Variants in ELF2 observed in about 807,000 individuals in gnomAD.
ELF2 encodes the protein ETS-related transcription factor Elf-2.
A neutral mutation model predicts 54.8 loss-of-function variants in ELF2; 11 were observed. The ratio of observed to expected loss-of-function variants is 0.20; its 90% confidence interval spans 0.13 to 0.33. The LOEUF (loss-of-function observed/expected upper bound fraction) is 0.33. Among genes scored for constraint, ELF2 ranks in the 10% least tolerant of loss-of-function variants. ELF2 has a pLI of 1.00. For synonymous variants in ELF2, 203 were observed against 245.1 expected, an observed-to-expected ratio of 0.83 and a Z score of 1.61; for missense variants, 513 against 703.0, an observed-to-expected ratio of 0.73 and a Z score of 3.06.
chr4:139,167,021 A>G (rs964880426), intron 1 of ELF2, among the ~76,000 whole-genome samples: 1 of 152,226 alleles, frequency 6.6e-6, no homozygotes, highest in African/African-American at 2.4e-5. Context: ...ATTTGGTAAG[A>G]TAATACTTAT....
Position 139,091,907 on chromosome 4 carries a change from T to G in ELF2, c.239-18340A>C, listed in dbSNP as rs146169322. ...ATAGAATATACATATTATTTATATA[T>G]AGAGAATATATATACACACATATAT... On this transcript the variant is annotated intron_variant, in intron 4 of 9. Coordinates refer to ENST00000686138, the MANE Select transcript of ELF2 (RefSeq NM_001331036.3). Among the ~76,000 whole-genome samples, 102 of 149,848 alleles carry G rather than the reference T, an allele frequency of 6.8e-4. No individual in the cohort carries two copies. The East Asian group carries it at 9.4e-3, about 14-fold the overall frequency.
At chr4:139,068,733 G>A (rs1212852713) in intron 6 of ELF2, among the ~76,000 whole-genome samples, 1 of 152,194 alleles carries the variant, frequency 6.6e-6, no homozygotes, top group Non-Finnish European at 1.5e-5. Flanking sequence ...CACGAAAGAG[G>A]ATTAAGCCTG....
At chr4:139,138,415 C>CAAAA (rs576340729) in intron 2 of ELF2, among the ~76,000 whole-genome samples, 13 of 125,556 alleles carry the variant, frequency 1.0e-4, no homozygotes, top group African/African-American at 3.5e-4. Flanking sequence ...GATTCCACCT[C>CAAAA]AAAAAAAAAA....
At chr4:139,072,096 G>A (rs1729599607) in intron 5 of ELF2, 57 bp from the exon 6 acceptor site, 1 of 1,541,340 alleles carries the variant, frequency 6.5e-7, no homozygotes, top group Non-Finnish European at 8.9e-7. Context: ...TTTCTTATGT[G>A]GACAGTTCAA....
chr4:139,117,167 C>G (rs895226724), intron 4 of ELF2, among the ~76,000 whole-genome samples: 1 of 152,092 alleles, frequency 6.6e-6, no homozygotes, highest in African/African-American at 2.4e-5. Context: ...GGTCAGAAGA[C>G]AGAAGTAGGA....
chr4:139,061,630 C>A (rs1403462132), intron 8 of ELF2, among the ~76,000 whole-genome samples: 1 of 152,066 alleles, frequency 6.6e-6, no homozygotes, highest in South Asian at 2.1e-4. Context: ...TTAAGAAACA[C>A]TCCTAAGTAC....
chr4:139,081,793 G>C (rs1731150791), intron 4 of ELF2, among the ~76,000 whole-genome samples: 1 of 152,170 alleles, frequency 6.6e-6, no homozygotes, highest in Admixed American at 6.5e-5. Context: ...TTGGGTAAAA[G>C]AGCAAACCTC....
At chr4:139,137,069 T>C (rs1274894810) in intron 3 of ELF2, 1 of 152,368 alleles carries the variant, frequency 6.6e-6, no homozygotes, top group Non-Finnish European at 1.5e-5. Context: ...TCTTCAATGT[T>C]ATCAATAACA....
intron 6 of ELF2, among the ~76,000 whole-genome samples, chr4:139,070,338 T>TGGA: frequency 6.6e-6 from 1 of 151,652 alleles, no homozygotes; most frequent in South Asian, 2.1e-4. Context: ...TCACCCAGGC[T>TGGA]GGAGTACACT....
chr4:139,133,157 G>C (rs562291788), intron 3 of ELF2, among the ~76,000 whole-genome samples: 1 of 151,996 alleles, frequency 6.6e-6, no homozygotes, highest in Non-Finnish European at 1.5e-5. Context: ...TCCTGACCTC[G>C]TGATCCGCCC....
intron 4 of ELF2, chr4:139,114,876 T>C (rs1008342304): frequency 2.1e-5 from 33 of 1,604,688 alleles, no homozygotes; most frequent in African/African-American, 5.4e-5. Flanking sequence ...TGCTACGAGG[T>C]TGGGGGGCAG....
chr4:139,169,457 A>T (rs1742047858), intron 1 of ELF2, among the ~76,000 whole-genome samples: 1 of 152,112 alleles, frequency 6.6e-6, no homozygotes, highest in African/African-American at 2.4e-5. Context: ...ACATCTGCCC[A>T]GTAACTTCAT....
intron 7 of ELF2, among the ~76,000 whole-genome samples, chr4:139,062,566 T>C (rs1728040175): frequency 6.6e-6 from 1 of 152,250 alleles, no homozygotes; most frequent in Non-Finnish European, 1.5e-5. Flanking sequence ...CATATCACAC[T>C]ATCCTAGATT....
In ELF2 at chr4:139,143,860, G is replaced by A. The variant is rs1272026121; in HGVS notation, c.-251-4363C>T. 2.6e-5 allele frequency among the ~76,000 whole-genome samples: 4 copies of A among 152,042 alleles called. No homozygotes were observed. In the South Asian group the frequency reaches 6.2e-4, roughly 24 times the overall value. The stretch of plus-strand genomic sequence containing the variant: ...AAAAATGTGGAAAGTGACCACACAT[G>A]CCCAGGCTCAGAAAAGACCTGAGAA... On this transcript the variant is annotated intron_variant, in intron 1 of 9. Transcript: ENST00000686138.
In ELF2 at chr4:139,059,197, G is replaced by A; in HGVS notation, c.1568C>T (p.Pro523Leu). The change falls in exon 10 of 10, where the codon CCT becomes CTT. Residue 523 changes from proline to leucine, a missense_variant. Coordinates refer to ENST00000686138, the MANE Select transcript of ELF2 (RefSeq NM_001331036.3). ...CTTTATGACTGCACTGATAACTCGA[G>A]GAGGAGTCTGGCCAGATGCCTGCTG... ...PTQQASGQTPPRVISAVIKGP... is the reference protein window; with the variant it reads ...PTQQASGQTPLRVISAVIKGP... 1 of 1,613,952 alleles carries A rather than the reference G, an allele frequency of 6.2e-7. No homozygotes were observed. Among genetic ancestry groups the A allele is most frequent in the Non-Finnish European group, 8.5e-7 (1 of 1,179,866 alleles).
chr4:139,171,908 A>G (rs923770693), intron 1 of ELF2, among the ~76,000 whole-genome samples: 1 of 152,230 alleles, frequency 6.6e-6, no homozygotes, highest in Non-Finnish European at 1.5e-5. Context: ...TGGGCGACAG[A>G]GTGACTCAAA....
chr4:139,168,575 C>T lies in ELF2; in HGVS notation c.-252+8392G>A, dbSNP rs116056917. 4.0e-3 allele frequency among the ~76,000 whole-genome samples: 615 copies of T among 152,260 alleles called. 2 individuals are homozygous for T. Among genetic ancestry groups the T allele is most frequent in the Non-Finnish European group, 7.0e-3 (476 of 68,022 alleles). ...ACTTCCCTTGTGTGCTCAAATGTGACTGAAAGGGTCCTGACACTGACTCCT... is the reference window on the plus strand; with the variant it reads ...ACTTCCCTTGTGTGCTCAAATGTGATTGAAAGGGTCCTGACACTGACTCCT... On this transcript the variant is annotated intron_variant, in intron 1 of 9. Transcript: ENST00000686138.
chr4:139,170,330 T>C (rs937927771), intron 1 of ELF2, among the ~76,000 whole-genome samples: 1 of 147,096 alleles, frequency 6.8e-6, no homozygotes, highest in Admixed American at 7.0e-5. Context: ...AGTGGTGCGA[T>C]CTCGGCTCAC....
chr4:139,103,295 T>G (rs571043789), intron 4 of ELF2, among the ~76,000 whole-genome samples: 1 of 152,260 alleles, frequency 6.6e-6, no homozygotes, highest in South Asian at 2.1e-4. Context: ...TGCTAAAGAT[T>G]GAGTAATGGC....
Sources: gnomAD v4.1 joint callset for allele counts (sites outside exome capture counted in the v4.1 genomes callset) on GRCh38, gnomAD v4.1.1 for gene constraint, MANE v1.5 for transcripts, NCBI Gene and HGNC (gene_info 2026-07-23, HGNC 2026-07-21) for gene names.